IQCK: variants seen among roughly 807,000 people sequenced by gnomAD.
IQCK encodes IQ domain-containing protein K.
In IQCK, 29 loss-of-function variants were observed where a neutral mutation model predicts 28.1. The observed-to-expected ratio is 1.03, with a 90% CI of 0.77 to 1.41. IQCK has a LOEUF of 1.41. Ranked by LOEUF, IQCK falls within the 40% of genes most tolerant of loss-of-function variation. IQCK has a pLI of 0.00. For missense variants in IQCK, 359 were observed against 314.7 expected (o/e 1.14, Z -1.07); for synonymous variants, 113 against 115.1 (o/e 0.98, Z 0.12).
chr16:19,800,933 T>C lies in IQCK; in HGVS notation c.690+12011T>C, dbSNP rs116939473. Among the ~76,000 whole-genome samples, 20 of 115,174 alleles carry C rather than the reference T, an allele frequency of 1.7e-4. 2 individuals are homozygous for C. The Middle Eastern group carries it at 0.012, about 68-fold the overall frequency. 75.6% of individuals were successfully genotyped at this position (115,174 alleles called of 152,430 possible). On this transcript the variant is annotated intron_variant, in intron 7 of 7. Transcript: ENST00000564186. ...CATGATAATGTTTTTTACTCTTTTC[T>C]TCTTTAGTTAAAATTTGACATACTT...
chr16:19,778,072 T>A (rs1219547927), intron 6 of IQCK, among the ~76,000 whole-genome samples: 1 of 152,000 alleles, frequency 6.6e-6, no homozygotes, highest in East Asian at 1.9e-4. Context: ...GAGAACCAGT[T>A]CAGAGAGCCT....
At chr16:19,826,158 C>T (rs758017941) in intron 7 of IQCK, among the ~76,000 whole-genome samples, 32 of 151,912 alleles carry the variant, frequency 2.1e-4, no homozygotes, top group Non-Finnish European at 1.2e-4. Flanking sequence ...AGGTGTTCAC[C>T]ACCACACCCA....
exon 1 of IQCK, chr16:19,718,284 C>T (rs1397943304): frequency 4.4e-6 from 7 of 1,589,700 alleles, no homozygotes; most frequent in Admixed American, 1.8e-5. Context: ...CCGGCGAACG[C>T]GGTTACCGTG....
chr16:19,842,355 TA>T (rs1444103142), intron 9 of IQCK, among the ~76,000 whole-genome samples: 3 of 152,264 alleles, frequency 2.0e-5, no homozygotes, highest in African/African-American at 7.2e-5. Flanking sequence ...ACATATTTTT[TA>T]AGTTGAAGGT....
intron 4 of IQCK, among the ~76,000 whole-genome samples, chr16:19,753,467 A>C (rs2151700981): frequency 6.6e-6 from 1 of 152,256 alleles, no homozygotes; most frequent in South Asian, 2.1e-4. Context: ...CCTGCTTTGG[A>C]ATAGGTCCTT....
chr16:19,743,117 G>A (rs886663817), intron 4 of IQCK, among the ~76,000 whole-genome samples: 2 of 152,210 alleles, frequency 1.3e-5, no homozygotes, highest in Admixed American at 1.3e-4. Context: ...GTTGCAGTGA[G>A]CTGAGATCAC....
At chr16:19,750,599 C>T (rs1201280739) in intron 4 of IQCK, among the ~76,000 whole-genome samples, 1 of 151,288 alleles carries the variant, frequency 6.6e-6, no homozygotes, top group Non-Finnish European at 1.5e-5. Flanking sequence ...GTAGCTGGGG[C>T]TATAGGTGTG....
intron 9 of IQCK, among the ~76,000 whole-genome samples, chr16:19,843,574 C>G (rs2056384306): frequency 6.6e-6 from 1 of 152,224 alleles, no homozygotes; most frequent in South Asian, 2.1e-4. Context: ...TTGTATTAGT[C>G]AGCTCAGGCT....
intron 1 of IQCK, among the ~76,000 whole-genome samples, chr16:19,718,723 G>A (rs1977356510): frequency 6.6e-6 from 1 of 152,242 alleles, no homozygotes; most frequent in Admixed American, 6.5e-5. Flanking sequence ...GCAAGGGAAC[G>A]GCGAGGGAAA....
intron 9 of IQCK, among the ~76,000 whole-genome samples, chr16:19,851,780 C>T (rs1334802381): frequency 6.6e-6 from 1 of 152,130 alleles, no homozygotes; most frequent in African/African-American, 2.4e-5. Context: ...AAGCCAACCA[C>T]GATGATGTCT....
At chr16:19,815,500 A>G (rs953681853) in intron 7 of IQCK, among the ~76,000 whole-genome samples, 4 of 151,938 alleles carry the variant, frequency 2.6e-5, no homozygotes, top group African/African-American at 9.7e-5. Context: ...TTAGGAAAAA[A>G]CAAAACAAAA....
At chr16:19,823,805 T>C (rs747407793) in intron 7 of IQCK, among the ~76,000 whole-genome samples, 5 of 152,098 alleles carry the variant, frequency 3.3e-5, no homozygotes, top group African/African-American at 4.8e-5. Context: ...GGGTGGTGCA[T>C]GCCTGTAATC....
rs146405063 is a variant in IQCK at position 19,745,987 on chromosome 16, T to C, written c.474+10537T>C. Among the ~76,000 whole-genome samples the C allele has an allele frequency of 3.8e-3, 584 of 152,242 alleles. 3 individuals carry two copies. Among genetic ancestry groups the C allele is most frequent in the African/African-American group, 0.013 (537 of 41,552 alleles). On this transcript the variant is annotated intron_variant, in intron 4 of 7. Coordinates refer to ENST00000564186, the Ensembl canonical transcript of IQCK. ...GCAAAGCCAAGACCTGGAACATGAC[T>C]TCCACCAAGTTCTCTACTAAAAATA...
chr16:19,783,838 C>G (rs1026571797), intron 6 of IQCK, among the ~76,000 whole-genome samples: 12 of 152,146 alleles, frequency 7.9e-5, no homozygotes, highest in African/African-American at 2.9e-4. Flanking sequence ...TCTCATTTTG[C>G]TTTTTGGAGA....
chr16:19,783,444 G>A (rs1289296355), intron 6 of IQCK, among the ~76,000 whole-genome samples: 1 of 152,132 alleles, frequency 6.6e-6, no homozygotes, highest in East Asian at 1.9e-4. Flanking sequence ...AAAAACGTCT[G>A]CTTTGGGGAT....
chr16:19,792,793 G>A (rs1161363342), intron 7 of IQCK, among the ~76,000 whole-genome samples: 3 of 113,682 alleles, frequency 2.6e-5, no homozygotes, highest in Non-Finnish European at 4.7e-5. Context: ...TGGCCAAGCT[G>A]GTCTCGAACT....
intron 7 of IQCK, among the ~76,000 whole-genome samples, chr16:19,822,789 A>G (rs2141085000): frequency 6.6e-6 from 1 of 152,310 alleles, no homozygotes; most frequent in Non-Finnish European, 1.5e-5. Flanking sequence ...TAACATTGTA[A>G]GTGTACTTAA....
intron 4 of IQCK, among the ~76,000 whole-genome samples, chr16:19,744,162 T>C (rs924262331): frequency 1.3e-5 from 2 of 152,216 alleles, no homozygotes; most frequent in African/African-American, 2.4e-5. Flanking sequence ...ACTCATCTTG[T>C]GATTCTTTTA....
intron 1 of IQCK, among the ~76,000 whole-genome samples, chr16:19,723,272 A>G (rs1977554595): frequency 2.0e-5 from 3 of 152,168 alleles, no homozygotes; most frequent in Admixed American, 6.5e-5. Flanking sequence ...TAATCGCATC[A>G]TGCTGTGACC....
Sources: gnomAD v4.1 joint callset for allele counts (sites outside exome capture counted in the v4.1 genomes callset) on GRCh38, gnomAD v4.1.1 for gene constraint, MANE v1.5 for transcripts, NCBI Gene and HGNC (gene_info 2026-07-23, HGNC 2026-07-21) for gene names.